The following APOBEC3B variants were observed in gnomAD, a reference collection of about 807,000 sequenced individuals.
APOBEC3B encodes the protein apolipoprotein B mRNA editing enzyme catalytic subunit 3B.
APOBEC3B carries 29 observed loss-of-function variants against 53.4 expected under a neutral mutation model. The ratio of observed to expected loss-of-function variants is 0.54; its 90% CI spans 0.40 to 0.74. The LOEUF (loss-of-function observed/expected upper bound fraction) is 0.74. Ranked by LOEUF, APOBEC3B falls within the 30% of genes least tolerant of loss-of-function variation. The pLI, the probability that APOBEC3B is intolerant of heterozygous loss-of-function variation, is 0.00. For missense variants in APOBEC3B, 347 were observed against 496.2 expected (o/e 0.70, Z 2.86); for synonymous variants, 132 against 184.8 (o/e 0.71, Z 2.32).
At chr22:38,990,201 T>C (rs1159306022) in intron 5 of APOBEC3B, among the ~76,000 whole-genome samples, 2 of 148,122 alleles carry the variant, frequency 1.4e-5, no homozygotes, top group African/African-American at 2.5e-5. Flanking sequence ...GAGGCCAAGT[T>C]CTGCTTGGCT....
Position 38,985,868 on chromosome 22 carries a change from C to T in APOBEC3B, c.231C>T (p.Gly77=), listed in dbSNP as rs377648242. The change falls in exon 3 of 8, where the codon GGC becomes GGT. Residue 77 remains glycine (G), a synonymous_variant. Coordinates refer to ENST00000333467, the MANE Select transcript of APOBEC3B (RefSeq NM_004900.5). ...TGTGCTTCCTCTCTTGGTTCTGTGG[C>T]AACCAGCTGCCTGCTTACAAGTGTT... ...AEMCFLSWFC[G]NQLPAYKCFQ... is the part of the protein sequence containing the mutation. 1.9e-6 allele frequency: 3 copies of T among 1,594,968 alleles called. No homozygotes were observed. The highest frequency in any genetic ancestry group is 2.6e-6 in the Non-Finnish European group (3 of 1,172,854).
At chr22:38,991,778 C>A in intron 6 of APOBEC3B, 152 bp downstream of exon 6, 2 of 1,274,980 alleles carry the variant, frequency 1.6e-6, no homozygotes, top group Non-Finnish European at 2.1e-6. Flanking sequence ...AGAGGCCAGG[C>A]CAGGAGATAT....
At position 38,986,214 on chromosome 22, in the gene APOBEC3B, G is replaced by A. The variant is rs1282005107; in HGVS notation, c.455-84G>A. 8.2e-6 allele frequency: 13 copies of A among 1,585,084 alleles called. 2 individuals carry two copies. The Middle Eastern group carries it at 1.3e-3, about 164-fold the overall frequency. On this transcript the variant is annotated intron_variant, in intron 3 of 7. Transcript: ENST00000333467. ...TGCAGGGGTGGGACTGGCACTGACT[G>A]CAACTGACAGCCAGGAGACCAGGCC... is the stretch of plus-strand genomic sequence containing the variant.
At chr22:38,988,521 G>C (rs1311506764) in intron 4 of APOBEC3B, among the ~76,000 whole-genome samples, 2 of 148,392 alleles carry the variant, frequency 1.3e-5, no homozygotes, top group Non-Finnish European at 3.0e-5. Flanking sequence ...ACTTTGCTAT[G>C]AAGAAGCCTT....
chr22:38,986,186 G>C, intron 3 of APOBEC3B, 95 bp downstream of exon 3: 1 of 1,577,234 alleles, frequency 6.3e-7, no homozygotes, highest in Non-Finnish European at 8.6e-7. Flanking sequence ...TCCCAGGGCA[G>C]CCTGCAGGGG....
At chr22:38,985,713 C>A (rs1923704745) in intron 2 of APOBEC3B, 99 bp from the exon 3 acceptor site, 1 of 1,039,870 alleles carries the variant, frequency 9.6e-7, no homozygotes, top group East Asian at 3.0e-5. Flanking sequence ...TGGCAAGATC[C>A]CCTGGGCTCC....
In APOBEC3B at chr22:38,986,297, G is replaced by C. The variant is rs1488641958; in HGVS notation, c.455-1G>C. The C allele has an allele frequency of 6.3e-7, 1 of 1,593,030 alleles. No individual in the cohort carries two copies. The highest frequency in any genetic ancestry group is 1.3e-5 in the African/African-American group (1 of 74,232). On this transcript the variant is annotated splice_acceptor_variant, in intron 3 of 7. Transcript: ENST00000333467. LOFTEE classifies it high-confidence loss of function. ...GACTGCTTCCCGCTTCTTCATCTCA[G>C]AATTTGCATACTGCTGGGAAAACTT...
In APOBEC3B at chr22:38,989,353, C is replaced by T; in HGVS notation, c.570-104C>T. 1.8e-6 allele frequency: 2 copies of T among 1,126,734 alleles called. 1 individual carries two copies. The highest frequency in any genetic ancestry group is 3.8e-5 in the South Asian group (2 of 53,188). 69.8% of individuals were successfully genotyped at this position (1,126,734 alleles called of 1,614,324 possible). On this transcript the variant is annotated intron_variant, in intron 4 of 7. Coordinates refer to ENST00000333467, the MANE Select transcript of APOBEC3B (RefSeq NM_004900.5). ...GAAGCGCCTCCTCTGACAGGTGCCT[C>T]AGTATATGGGGAGCAGGGAAGGAGT...
chr22:38,986,836 A>G (rs1022618279), intron 4 of APOBEC3B, among the ~76,000 whole-genome samples: 1 of 148,196 alleles, frequency 6.7e-6, no homozygotes, highest in Non-Finnish European at 1.5e-5. Context: ...CCCACCCGCT[A>G]TTCCTCCCTC....
chr22:38,988,687 T>TTTCTCTCTTTCTCTTTCTC (rs1491021212), intron 4 of APOBEC3B, among the ~76,000 whole-genome samples: 1 of 45,194 alleles, frequency 2.2e-5, no homozygotes, highest in African/African-American at 9.2e-5. Flanking sequence ...CTCTTTCTCT[T>TTTCTCTCTTTCTCTTTCTC]TCTTTCTTTC....
intron 4 of APOBEC3B, among the ~76,000 whole-genome samples, chr22:38,988,683 C>CTCTTTCTT (rs767344337): frequency 0.011 from 534 of 47,486 alleles, 30 homozygotes; most frequent in South Asian, 0.041. Context: ...TTCTCTCTTT[C>CTCTTTCTT]TCTTTCTTTC....
At position 38,985,978 on chromosome 22, in the gene APOBEC3B, T is replaced by C; in HGVS notation, c.341T>C (p.Val114Ala). The change falls in exon 3 of 8, where the codon GTC becomes GCC. Residue 114 changes from valine to alanine, a missense_variant. Physicochemically the swap from Val to Ala is moderately conservative, Grantham distance 64 (BLOSUM62 0). This residue lies in a region of APOBEC3B where 156 missense variants were observed against 166.7 expected (regional missense o/e 0.94). Coordinates refer to ENST00000333467, the MANE Select transcript of APOBEC3B (RefSeq NM_004900.5). ...LAEFLSEHPN[V>A]TLTISAARLY... ...GAATTCCTGTCTGAGCACCCCAATG[T>C]CACCCTGACCATCTCTGCCGCCCGC... 3 of 1,599,090 alleles carry C rather than the reference T, an allele frequency of 1.9e-6. No individual in the cohort carries two copies. Among genetic ancestry groups the C allele is most frequent in the Non-Finnish European group, 2.6e-6 (3 of 1,175,028 alleles).
At chr22:38,992,308 C>T in intron 7 of APOBEC3B, 123 bp from the exon 8 acceptor site, 2 of 1,535,570 alleles carry the variant, frequency 1.3e-6, no homozygotes, top group South Asian at 2.4e-5. Context: ...CAGCCTCCTT[C>T]TCTTTCCCAC....
chr22:38,985,287 C>G (rs910871443), intron 2 of APOBEC3B, among the ~76,000 whole-genome samples: 2 of 147,924 alleles, frequency 1.4e-5, no homozygotes, highest in Non-Finnish European at 3.0e-5. Flanking sequence ...GGCTGGAGTG[C>G]AATGACTCAC....
intron 7 of APOBEC3B, 110 bp from the exon 8 acceptor site, chr22:38,992,321 C>A: frequency 6.5e-7 from 1 of 1,537,052 alleles, no homozygotes; most frequent in Non-Finnish European, 8.8e-7. Context: ...TTTCCCACCT[C>A]CCGCATCCCT....
Position 38,989,605 on chromosome 22 carries a change from A to C in APOBEC3B, c.718A>C (p.Asn240His). Residue 240 changes from asparagine (N) to histidine (H), a missense_variant, in exon 5 of 8, where the codon AAC (asparagine) becomes CAC (histidine). By Grantham distance (68) the Asn-to-His change is moderately conservative (BLOSUM62 1). This residue lies in a region of APOBEC3B where 156 missense variants were observed against 166.7 expected (regional missense o/e 0.94). Coordinates refer to ENST00000333467, the MANE Select transcript of APOBEC3B (RefSeq NM_004900.5). ...LMDQHMGFLC[N>H]EAKNLLCGFY... ...GGACCAGCACATGGGCTTTCTATGC[A>C]ACGAGGTGACCGACCCAGCCACCTG... 1 of 1,568,626 alleles carries C rather than the reference A, an allele frequency of 6.4e-7. No homozygotes were observed. Among genetic ancestry groups the C allele is most frequent in the Non-Finnish European group, 8.7e-7 (1 of 1,155,668 alleles).
chr22:38,986,204 G>A (rs1352341457), intron 3 of APOBEC3B, 94 bp from the exon 4 acceptor site: 3 of 1,583,112 alleles, frequency 1.9e-6, no homozygotes, highest in African/African-American at 1.4e-5. Flanking sequence ...GGGTGGGACT[G>A]GCACTGACTG....
rs376711822 is a variant in APOBEC3B, at chr22:38,991,512, C to T, written c.904C>T (p.His302Tyr). ...EVRAFLQENTHVRLRIFAARI... is the reference protein window; with the variant it reads ...EVRAFLQENTYVRLRIFAARI... ...GCGTGCGTTCCTTCAGGAGAACACA[C>T]ACGTGAGACTGCGCATCTTCGCTGC... The change falls in exon 6 of 8, where the codon CAC (histidine) becomes TAC (tyrosine). Residue 302 changes from histidine to tyrosine, a missense_variant. Physicochemically the swap from His to Tyr is moderately conservative, Grantham distance 83. Around this residue, in one of 5 missense-constraint regions of APOBEC3B, gnomAD observed 20 missense variants for 83.9 expected, o/e 0.24. Transcript: ENST00000333467. 27 of 1,593,930 alleles carry T rather than the reference C, an allele frequency of 1.7e-5. 5 individuals are homozygous for T. Among genetic ancestry groups the T allele is most frequent in the African/African-American group, 6.7e-5 (5 of 74,448 alleles).
At chr22:38,983,456 C>A (rs575721822) in intron 1 of APOBEC3B, among the ~76,000 whole-genome samples, 3 of 148,960 alleles carry the variant, frequency 2.0e-5, no homozygotes, top group Non-Finnish European at 4.5e-5. Context: ...CTACAGGATC[C>A]GTGATGCAGA....
Sources: allele counts gnomAD v4.1 joint callset (sites outside exome capture counted in the v4.1 genomes callset), GRCh38; gene constraint gnomAD v4.1.1; regional missense constraint gnomAD v4.1.1; transcripts MANE v1.5; gene names NCBI Gene and HGNC (gene_info 2026-07-23, HGNC 2026-07-21).